Variants in SIPA1L1 observed in about 807,000 individuals in gnomAD.
SIPA1L1 encodes signal induced proliferation associated 1 like 1.
In SIPA1L1, 26 loss-of-function variants were observed where a neutral mutation model predicts 162.7. The ratio of observed to expected loss-of-function variants is 0.16; its 90% CI spans 0.12 to 0.22. SIPA1L1 has a LOEUF of 0.22. SIPA1L1 is among the 10% of genes least tolerant of loss of function. SIPA1L1 has a pLI of 1.00. For missense variants in SIPA1L1, 1,874 were observed against 2,241.0 expected, an observed-to-expected ratio of 0.84 and a Z score of 3.31; for synonymous variants, 829 against 837.4, an observed-to-expected ratio of 0.99 and a Z score of 0.17.
At chr14:71,511,662 C>T (rs2051163405) in intron 2 of SIPA1L1, among the ~76,000 whole-genome samples, 1 of 152,132 alleles carries the variant, frequency 6.6e-6, no homozygotes, top group African/African-American at 2.4e-5. Flanking sequence ...CCCTTGACCT[C>T]TCAGGAGTGA....
chr14:71,730,329 A>T, intron 20 of SIPA1L1, 28 bp downstream of exon 20: 1 of 1,611,014 alleles, frequency 6.2e-7, no homozygotes, highest in Non-Finnish European at 8.5e-7. Context: ...TGCAGCCTGG[A>T]TGGCCCTGTT....
At chr14:71,379,843 T>C (rs1460723086) in intron 2 of SIPA1L1, among the ~76,000 whole-genome samples, 4 of 152,276 alleles carry the variant, frequency 2.6e-5, no homozygotes, top group Non-Finnish European at 5.9e-5. Context: ...AGCAGTATTT[T>C]ATACATTTTC....
At chr14:71,575,957 G>A (rs943382121) in intron 4 of SIPA1L1, among the ~76,000 whole-genome samples, 3 of 152,196 alleles carry the variant, frequency 2.0e-5, no homozygotes, top group South Asian at 2.1e-4. Flanking sequence ...ACACAGATAT[G>A]TGTGAAATAA....
At chr14:71,458,255 T>C (rs181676416) in intron 2 of SIPA1L1, among the ~76,000 whole-genome samples, 122 of 152,310 alleles carry the variant, frequency 8.0e-4, no homozygotes, top group Non-Finnish European at 1.3e-3. Context: ...AAGAGACATA[T>C]TACTTCAATT....
chr14:71,367,639 T>C (rs2140962291), intron 2 of SIPA1L1, among the ~76,000 whole-genome samples: 1 of 131,112 alleles, frequency 7.6e-6, no homozygotes, highest in African/African-American at 3.0e-5. Context: ...ACAGGTTTGC[T>C]CTTGTTTCTC....
intron 2 of SIPA1L1, among the ~76,000 whole-genome samples, chr14:71,366,203 A>G (rs1404790986): frequency 6.6e-6 from 1 of 152,088 alleles, no homozygotes; most frequent in Non-Finnish European, 1.5e-5. Context: ...ACTGTTGTGG[A>G]GTTTGACTTA....
intron 2 of SIPA1L1, among the ~76,000 whole-genome samples, chr14:71,466,096 T>G (rs556753717): frequency 6.6e-6 from 1 of 152,286 alleles, no homozygotes; most frequent in East Asian, 1.9e-4. Context: ...TCCAATCAAG[T>G]TGACACTCAG....
intron 17 of SIPA1L1, among the ~76,000 whole-genome samples, chr14:71,713,631 A>G (rs1391923278): frequency 6.6e-6 from 1 of 152,050 alleles, no homozygotes; most frequent in Non-Finnish European, 1.5e-5. Flanking sequence ...TCATGCCACA[A>G]AAGCTGTATG....
Position 71,699,045 on chromosome 14 carries a change from C to T in SIPA1L1, c.3439C>T (p.Arg1147Trp), listed in dbSNP as rs200605676. ...CATGGCTTTAGCAAGATCCCAGTGT[C>T]GGAACTCTCCTAGCAACTTGTCTTC... The part of the protein sequence containing the change: ...SSMALARSQC[R>W]NSPSNLSSSS... The change falls in exon 14 of 24, where the codon CGG (arginine) becomes TGG (tryptophan). Residue 1147 changes from arginine to tryptophan, a missense_variant. Arg to Trp is a moderately radical substitution (Grantham distance 101). Transcript: ENST00000381232. The T allele has an allele frequency of 1.6e-4, 264 of 1,614,044 alleles. No homozygotes were observed. The highest frequency in any genetic ancestry group is 2.1e-4 in the Non-Finnish European group (249 of 1,179,992).
At chr14:71,726,161 G>T (rs1227469324) in intron 19 of SIPA1L1, among the ~76,000 whole-genome samples, 1 of 152,172 alleles carries the variant, frequency 6.6e-6, no homozygotes, top group East Asian at 1.9e-4. Flanking sequence ...TAAATGATTT[G>T]TTAACATGAT....
chr14:71,522,319 T>G (rs1431024744), intron 3 of SIPA1L1, among the ~76,000 whole-genome samples: 1 of 152,204 alleles, frequency 6.6e-6, no homozygotes, highest in Admixed American at 6.5e-5. Context: ...TTCACTTGCT[T>G]CTTGTTTGCT....
At chr14:71,626,457 T>C (rs2039998365) in intron 7 of SIPA1L1, among the ~76,000 whole-genome samples, 1 of 152,226 alleles carries the variant, frequency 6.6e-6, no homozygotes. Flanking sequence ...ACGACATGCA[T>C]ACTTAGGCTT....
intron 5 of SIPA1L1, among the ~76,000 whole-genome samples, chr14:71,607,552 C>T (rs949189831): frequency 3.9e-5 from 6 of 152,016 alleles, no homozygotes; most frequent in Admixed American, 6.6e-5. Flanking sequence ...TTAATCTTTC[C>T]TGGTTATCTG....
At position 71,587,728 on chromosome 14, in the gene SIPA1L1, C is replaced by A; in HGVS notation, c.-145C>A. 1 of 774,092 alleles carries A rather than the reference C, an allele frequency of 1.3e-6. No individual in the cohort carries two copies. Among genetic ancestry groups the A allele is most frequent in the Non-Finnish European group, 2.1e-6 (1 of 483,514 alleles). 48.0% of individuals were successfully genotyped at this position (774,092 alleles called of 1,614,324 possible). A position where few individuals can be genotyped will look rare whatever the true frequency, so the allele number is the denominator to read the frequency against. On this transcript the variant is annotated 5_prime_UTR_variant, in exon 5 of 24. Transcript: ENST00000381232. ...TTTCAGTGCTTTACAAATAAAGCAT[C>A]ATTTAACCTTTTAAATGAAAAAGAT...
chr14:71,361,125 A>G (rs1412176185), intron 2 of SIPA1L1, among the ~76,000 whole-genome samples: 2 of 152,048 alleles, frequency 1.3e-5, no homozygotes, highest in Non-Finnish European at 2.9e-5. Flanking sequence ...TTACTTCTTA[A>G]TCTTTTATGT....
chr14:71,654,416 G>A (rs771077464), intron 8 of SIPA1L1, among the ~76,000 whole-genome samples: 43 of 152,220 alleles, frequency 2.8e-4, no homozygotes, highest in Non-Finnish European at 1.5e-4. Context: ...TTTTAGCTAC[G>A]TACGTGGATT....
chr14:71,658,306 T>C (rs762046485), intron 8 of SIPA1L1, 27 bp from the exon 9 acceptor site: 1 of 1,091,306 alleles, frequency 9.2e-7, no homozygotes, highest in Non-Finnish European at 1.4e-6. Context: ...TATAGTCATC[T>C]CATCATTATA....
chr14:71,603,243 A>G (rs1417609286), intron 5 of SIPA1L1, among the ~76,000 whole-genome samples: 2 of 152,038 alleles, frequency 1.3e-5, no homozygotes, highest in African/African-American at 2.4e-5. Flanking sequence ...CAGAGGTAAG[A>G]TGAGTTTCTT....
At chr14:71,443,495 C>A (rs2045088481) in intron 2 of SIPA1L1, among the ~76,000 whole-genome samples, 1 of 151,914 alleles carries the variant, frequency 6.6e-6, no homozygotes, top group Admixed American at 6.6e-5. Context: ...AATTGGTTTT[C>A]AAATGGAAGC....
Sources: gnomAD v4.1 joint callset for allele counts (sites outside exome capture counted in the v4.1 genomes callset) on GRCh38, gnomAD v4.1.1 for gene constraint, MANE v1.5 for transcripts, NCBI Gene and HGNC (gene_info 2026-07-23, HGNC 2026-07-21) for gene names.